Variants in KDM4B observed in about 807,000 individuals in gnomAD.
KDM4B encodes lysine-specific demethylase 4B.
A neutral mutation model predicts 125.2 loss-of-function variants in KDM4B; 32 were observed. That is an observed-to-expected ratio of 0.26 (90% CI 0.19 to 0.34). The LOEUF is 0.34. KDM4B is among the 10% of genes least tolerant of loss of function. The pLI is 1.00. For synonymous variants in KDM4B, 721 were observed against 677.9 expected (o/e 1.06, Z -0.99); for missense variants, 1,190 against 1,577.7 (o/e 0.75, Z 4.16).
At chr19:5,019,876 AGG>A (rs2036042685) in intron 2 of KDM4B, among the ~76,000 whole-genome samples, 2 of 74,148 alleles carry the variant, frequency 2.7e-5, no homozygotes, top group African/African-American at 5.5e-5. Flanking sequence ...GTGGGTGTGC[AGG>A]TGTTGGTGTG....
intron 1 of KDM4B, among the ~76,000 whole-genome samples, chr19:5,000,512 G>C (rs2035351774): frequency 6.6e-6 from 1 of 151,876 alleles, no homozygotes; most frequent in South Asian, 2.1e-4. Context: ...CCCACACCCA[G>C]GGTCCCTTAC....
intron 2 of KDM4B, among the ~76,000 whole-genome samples, chr19:5,030,171 A>G (rs1023962445): frequency 1.3e-5 from 2 of 152,178 alleles, no homozygotes; most frequent in African/African-American, 4.8e-5. Flanking sequence ...CAGTGGCGCA[A>G]TCACAGCTCA....
chr19:5,037,591 C>T (rs940621366), intron 3 of KDM4B, among the ~76,000 whole-genome samples: 1 of 152,210 alleles, frequency 6.6e-6, no homozygotes, highest in Non-Finnish European at 1.5e-5. Flanking sequence ...CTGTCCTTTC[C>T]TTGGGACCGG....
intron 2 of KDM4B, among the ~76,000 whole-genome samples, chr19:5,031,081 C>T (rs2036438098): frequency 6.6e-6 from 1 of 152,228 alleles, no homozygotes; most frequent in Non-Finnish European, 1.5e-5. Context: ...TCCCTCTGAG[C>T]CGGTGGCTCC....
intron 1 of KDM4B, 91 bp downstream of exon 1, chr19:4,969,321 G>T (rs1298158571): frequency 6.8e-6 from 1 of 146,258 alleles, no homozygotes; most frequent in African/African-American, 2.5e-5. Context: ...CTGCGGGCGC[G>T]CCCGGGACTC....
chr19:5,118,897 G>A (rs1006988805), intron 10 of KDM4B, among the ~76,000 whole-genome samples: 7 of 152,144 alleles, frequency 4.6e-5, no homozygotes, highest in Non-Finnish European at 7.4e-5. Context: ...CGCCTGCCCC[G>A]TGAGCAGATC....
At position 5,035,103 on chromosome 19, in the gene KDM4B, G is replaced by A. The variant is rs1049460034; in HGVS notation, c.141+2072G>A. On this transcript the variant is annotated intron_variant, in intron 3 of 22. Coordinates refer to ENST00000159111, the MANE Select transcript of KDM4B (RefSeq NM_015015.3). This position sits in a 1 kb window ranked among gnomAD's most constrained non-coding sequence, Gnocchi z 5.3. ...TCAGTTCTGTCTTTAAAAGGCTTTGGTCCTCCTATCTCATCTCAGACCGTC... is the reference window on the plus strand; with the variant it reads ...TCAGTTCTGTCTTTAAAAGGCTTTGATCCTCCTATCTCATCTCAGACCGTC... 1.9e-4 allele frequency among the ~76,000 whole-genome samples: 29 copies of A among 152,300 alleles called. No homozygotes were observed. The highest frequency in any genetic ancestry group is 6.7e-4 in the African/African-American group (28 of 41,566).
rs567781498 is a variant in KDM4B, at chr19:5,001,037, C to CT, written c.-108-15208dup. ...ATGTGTATTTTTTTAATGTCCCCTT[C>CT]TTTTTTTTTTTTGAGACAGAGTCTT... On this transcript the variant is annotated intron_variant, in intron 1 of 22. Coordinates refer to ENST00000159111, the MANE Select transcript of KDM4B (RefSeq NM_015015.3). 1.9e-3 allele frequency among the ~76,000 whole-genome samples: 270 copies of CT among 145,070 alleles called. 1 individual carries two copies. The highest frequency in any genetic ancestry group is 9.2e-3 in the South Asian group (42 of 4,556).
At chr19:5,140,090 G>A (rs1193064509) in intron 18 of KDM4B, among the ~76,000 whole-genome samples, 1 of 152,184 alleles carries the variant, frequency 6.6e-6, no homozygotes, top group Non-Finnish European at 1.5e-5. Flanking sequence ...GGTGTGAGCT[G>A]GGCCCACTCC....
intron 5 of KDM4B, among the ~76,000 whole-genome samples, chr19:5,043,203 T>TG (rs1463435789): frequency 9.9e-5 from 14 of 140,930 alleles, no homozygotes; most frequent in South Asian, 2.4e-4. Flanking sequence ...TTTATTGGAG[T>TG]GGGGTGTCCA....
chr19:5,029,314 C>A (rs190568957), intron 2 of KDM4B, among the ~76,000 whole-genome samples: 1 of 152,340 alleles, frequency 6.6e-6, no homozygotes, highest in Non-Finnish European at 1.5e-5. Context: ...CCGGGCAGCT[C>A]CTCTGGCTCT....
At chr19:5,113,637 C>T (rs2039195689) in intron 10 of KDM4B, among the ~76,000 whole-genome samples, 2 of 152,306 alleles carry the variant, frequency 1.3e-5, no homozygotes, top group Middle Eastern at 3.4e-3. Context: ...GGATCCTTCT[C>T]TGGTTGGGGG....
intron 6 of KDM4B, among the ~76,000 whole-genome samples, chr19:5,053,800 C>T (rs2037306949): frequency 1.3e-5 from 2 of 152,260 alleles, no homozygotes; most frequent in African/African-American, 2.4e-5. Flanking sequence ...TAGTAGTTGC[C>T]ACCAGCCCAG....
At chr19:5,024,580 A>G (rs1402926358) in intron 2 of KDM4B, among the ~76,000 whole-genome samples, 3 of 151,838 alleles carry the variant, frequency 2.0e-5, no homozygotes, top group Non-Finnish European at 4.4e-5. Flanking sequence ...TGTCATGGTC[A>G]CAGCAGGAGG....
chr19:5,046,157 C>G (rs57308607), intron 5 of KDM4B, among the ~76,000 whole-genome samples: 34,357 of 152,226 alleles, frequency 0.23, 4,722 homozygotes, highest in East Asian at 0.66. Flanking sequence ...CCGGGAGGGA[C>G]TCTGCAGCCG....
Position 5,029,402 on chromosome 19 carries a change from A to G in KDM4B, c.-25-3464A>G, listed in dbSNP as rs141337420. 9.1e-4 allele frequency among the ~76,000 whole-genome samples: 139 copies of G among 152,336 alleles called. 2 individuals carry two copies. The highest frequency in any genetic ancestry group is 2.9e-3 in the African/African-American group (119 of 41,588). On this transcript the variant is annotated intron_variant, in intron 2 of 22. Transcript: ENST00000159111. ...CCTGGTGACCTGGAAGGTCAGTCACAGGACTGCATTTCAGTAAATTCCCTC... is the reference window on the plus strand; with the variant it reads ...CCTGGTGACCTGGAAGGTCAGTCACGGGACTGCATTTCAGTAAATTCCCTC...
intron 9 of KDM4B, among the ~76,000 whole-genome samples, chr19:5,089,694 T>C (rs1401165334): frequency 7.4e-6 from 1 of 135,626 alleles, no homozygotes; most frequent in Non-Finnish European, 1.6e-5. Context: ...CTGTCTTTTT[T>C]TGTACTAAAA....
intron 2 of KDM4B, among the ~76,000 whole-genome samples, chr19:5,032,093 C>T (rs910573005): frequency 6.6e-6 from 1 of 152,212 alleles, no homozygotes. Flanking sequence ...TCGGGGTGGG[C>T]TACCAGTTCC....
At chr19:5,021,109 C>T (rs1222239810) in intron 2 of KDM4B, among the ~76,000 whole-genome samples, 2 of 150,556 alleles carry the variant, frequency 1.3e-5, no homozygotes, top group African/African-American at 4.9e-5. Context: ...CGCACCACTG[C>T]ACTCCACCTG....
Sources: gnomAD v4.1 joint callset for allele counts (sites outside exome capture counted in the v4.1 genomes callset) on GRCh38, gnomAD v4.1.1 for gene constraint, Gnocchi (gnomAD v3.1) non-coding constraint, MANE v1.5 for transcripts, NCBI Gene and HGNC (gene_info 2026-07-23, HGNC 2026-07-21) for gene names.